Variants in SEMA3A observed in about 807,000 individuals in gnomAD.
SEMA3A encodes the protein semaphorin 3A, also known as semaphorin-3A.
Under a neutral mutation model 97.9 loss-of-function variants are expected in SEMA3A, and 29 were observed. The observed-to-expected ratio is 0.30, with a 90% confidence interval of 0.22 to 0.40. SEMA3A has a LOEUF of 0.40. SEMA3A is among the 10% of genes least tolerant of loss of function. SEMA3A has a pLI of 1.00. For missense variants in SEMA3A, 763 were observed against 951.3 expected (o/e 0.80, Z 2.60); for synonymous variants, 321 against 323.7 (o/e 0.99, Z 0.09).
rs1021223273 is a variant in SEMA3A at position 83,959,495 on chromosome 7, T to G, written c.*1876A>C. ...CCAAAAGCAACACCATATTAGTCAA[T>G]GGAGCCTAAAATTGAATGTAGATTA... On this transcript the variant is annotated 3_prime_UTR_variant, in exon 17 of 17. Coordinates refer to ENST00000265362, the MANE Select transcript of SEMA3A (RefSeq NM_006080.3). The G allele has an allele frequency of 2.0e-5, 3 of 152,096 alleles. No homozygotes were observed. Among genetic ancestry groups the G allele is most frequent in the Admixed American group, 6.6e-5 (1 of 15,250 alleles). The allele number at this position is 152,096 out of a possible 1,614,324, so 9.4% of individuals were successfully genotyped here. A position where few individuals can be genotyped will look rare whatever the true frequency, so the allele number is the denominator to read the frequency against.
At chr7:84,219,126 A>G (rs1436988964) in intron 3 of SEMA3A, among the ~76,000 whole-genome samples, 1 of 152,324 alleles carries the variant, frequency 6.6e-6, no homozygotes, top group East Asian at 1.9e-4. Context: ...TGAGAATAAA[A>G]TAAACCAGTG....
chr7:84,057,801 C>G (rs1227303010), intron 5 of SEMA3A, among the ~76,000 whole-genome samples: 1 of 148,230 alleles, frequency 6.7e-6, no homozygotes, highest in Non-Finnish European at 1.5e-5. Flanking sequence ...AAGACTGGAG[C>G]AAATTCATCT....
chr7:84,084,192 A>T (rs944047163), intron 4 of SEMA3A, among the ~76,000 whole-genome samples: 1 of 152,052 alleles, frequency 6.6e-6, no homozygotes, highest in East Asian at 1.9e-4. Context: ...ACAGTTCTCT[A>T]TTCCTTTCAA....
At chr7:83,988,798 C>G (rs1315509564) in intron 12 of SEMA3A, among the ~76,000 whole-genome samples, 9 of 150,750 alleles carry the variant, frequency 6.0e-5, no homozygotes, top group Non-Finnish European at 1.0e-4. Context: ...GAGATATAAT[C>G]TTTAGAATTT....
intron 1 of SEMA3A, chr7:84,489,111 A>T (rs1806655119): frequency 6.6e-6 from 1 of 152,430 alleles, no homozygotes; most frequent in African/African-American, 2.4e-5. Context: ...CACATGGCTG[A>T]GGAGGCCTCA....
At chr7:84,199,116 G>A (rs745922022), upstream of SEMA3A, among the ~76,000 whole-genome samples, 15 of 152,158 alleles carry the variant, frequency 9.9e-5, no homozygotes, top group South Asian at 6.2e-4. Flanking sequence ...TGAGATAGCC[G>A]TCTAAGTACT....
chr7:83,984,608 C>CTTTTTTTTTTTTTTTTTTTTTTT lies in SEMA3A; in HGVS notation c.1494+805_1494+827dup, dbSNP rs371082897. ...CCCTACTTCATTCTGGATTTTTCTGCTTTTTTTTTTTTTTTTTTTTTTTGA... is the reference window on the plus strand; with the variant it reads ...CCCTACTTCATTCTGGATTTTTCTGCTTTTTTTTTTTTTTTTTTTTTTTTTTTTTTTTTTTTTTTTTTTTTTGA... On this transcript the variant is annotated intron_variant, in intron 13 of 16. Transcript: ENST00000265362. Among the ~76,000 whole-genome samples, 6 of 98,880 alleles carry CTTTTTTTTTTTTTTTTTTTTTTT rather than the reference C, an allele frequency of 6.1e-5. 1 individual carries two copies. Among genetic ancestry groups the CTTTTTTTTTTTTTTTTTTTTTTT allele is most frequent in the South Asian group, 3.8e-4 (1 of 2,614 alleles). 64.9% of individuals were successfully genotyped at this position (98,880 alleles called of 152,430 possible).
intron 11 of SEMA3A, 129 bp downstream of exon 11, chr7:84,005,210 G>C: frequency 1.5e-6 from 1 of 668,812 alleles, no homozygotes. Flanking sequence ...GAAATCAAAA[G>C]TTAGTTATAT....
intron 2 of SEMA3A, among the ~76,000 whole-genome samples, chr7:84,369,482 C>T (rs1368444044): frequency 1.3e-5 from 2 of 150,986 alleles, no homozygotes; most frequent in Non-Finnish European, 1.5e-5. Flanking sequence ...AAGAGAGTTG[C>T]CATGAAGTGA....
rs3801627 is a variant in SEMA3A at position 84,105,152 on chromosome 7, C to G, written c.453+5318G>C. On this transcript the variant is annotated intron_variant, in intron 4 of 16. Coordinates refer to ENST00000265362, the MANE Select transcript of SEMA3A (RefSeq NM_006080.3). ...ACAATCCACCTACCCAAAAGCAACT[C>G]CTTATTGTTTTCCCAAGATATCTGA... Among the ~76,000 whole-genome samples, 202 of 152,258 alleles carry G rather than the reference C, an allele frequency of 1.3e-3. 1 individual carries two copies. In the East Asian group the frequency reaches 0.017, roughly 13 times the overall value.
At chr7:84,194,047 C>A (rs1054649235) in intron 1 of SEMA3A, among the ~76,000 whole-genome samples, 1 of 152,040 alleles carries the variant, frequency 6.6e-6, no homozygotes, top group Non-Finnish European at 1.5e-5. Flanking sequence ...GACGATTAAC[C>A]ATTTCATGTC....
At chr7:84,042,541 G>T (rs1354186299) in intron 6 of SEMA3A, among the ~76,000 whole-genome samples, 5 of 151,974 alleles carry the variant, frequency 3.3e-5, no homozygotes, top group Non-Finnish European at 7.4e-5. Flanking sequence ...ACAGAAGTGG[G>T]ATAAAGGATA....
chr7:84,453,535 C>T (rs114220619), intron 1 of SEMA3A, among the ~76,000 whole-genome samples: 4,006 of 152,142 alleles, frequency 0.026, 167 homozygotes, highest in African/African-American at 0.09. Flanking sequence ...CGCGCCCGGC[C>T]GAGACTTTGT....
At chr7:84,301,621 G>C (rs1297862532) in intron 3 of SEMA3A, among the ~76,000 whole-genome samples, 1 of 152,026 alleles carries the variant, frequency 6.6e-6, no homozygotes, top group Non-Finnish European at 1.5e-5. Flanking sequence ...TTGTTTTAAG[G>C]GCTGAATAGT....
chr7:84,469,747 A>G (rs1482935411), intron 1 of SEMA3A, among the ~76,000 whole-genome samples: 1 of 152,022 alleles, frequency 6.6e-6, no homozygotes, highest in Non-Finnish European at 1.5e-5. Context: ...CTCACATACA[A>G]TTTACTTTAG....
At chr7:84,353,788 A>G (rs1012163887) in intron 2 of SEMA3A, among the ~76,000 whole-genome samples, 2 of 151,758 alleles carry the variant, frequency 1.3e-5, no homozygotes, top group African/African-American at 2.4e-5. Context: ...GGATAATCAC[A>G]ATGTTAAAAT....
At chr7:84,097,422 G>A (rs2115881268) in intron 4 of SEMA3A, among the ~76,000 whole-genome samples, 1 of 152,058 alleles carries the variant, frequency 6.6e-6, no homozygotes, top group East Asian at 1.9e-4. Flanking sequence ...CAAAAATACA[G>A]GGGTATAAAA....
chr7:84,199,004 G>A (rs1798297167), upstream of SEMA3A, among the ~76,000 whole-genome samples: 1 of 152,136 alleles, frequency 6.6e-6, no homozygotes, highest in African/African-American at 2.4e-5. Flanking sequence ...AAACCAATGT[G>A]TCTAATTTTA....
intron 3 of SEMA3A, among the ~76,000 whole-genome samples, chr7:84,284,385 G>T (rs1350760018): frequency 6.6e-6 from 1 of 151,982 alleles, no homozygotes; most frequent in Non-Finnish European, 1.5e-5. Flanking sequence ...TATGATTCAG[G>T]AACAATCTTC....
Sources: gnomAD v4.1 joint callset for allele counts (sites outside exome capture counted in the v4.1 genomes callset) on GRCh38, gnomAD v4.1.1 for gene constraint, MANE v1.5 for transcripts, NCBI Gene and HGNC (gene_info 2026-07-23, HGNC 2026-07-21) for gene names.